METTL5: variants seen among roughly 807,000 people sequenced by gnomAD.
METTL5 encodes rRNA N(6)-adenosine-methyltransferase METTL5.
METTL5 carries 28 observed loss-of-function variants against 26.5 expected under a neutral mutation model. That is an observed-to-expected ratio of 1.06 (90% confidence interval 0.78 to 1.45). The LOEUF (loss-of-function observed/expected upper bound fraction) is 1.45. Ranked by LOEUF, METTL5 falls within the 40% of genes most tolerant of loss-of-function variation. The pLI, the probability that METTL5 is intolerant of heterozygous loss-of-function variation, is 0.00. For missense variants in METTL5, 231 were observed against 249.9 expected (o/e 0.92, Z 0.51); for synonymous variants, 86 against 82.6 (o/e 1.04, Z -0.22).
chr2:169,815,662 A>G (rs535806895), intron 4 of METTL5, 134 bp from the exon 5 acceptor site: 1 of 577,710 alleles, frequency 1.7e-6, no homozygotes, highest in South Asian at 2.7e-5. Flanking sequence ...AAAAATTTCA[A>G]TTGAATGGAT....
intron 2 of METTL5, 110 bp downstream of exon 2, chr2:169,821,833 G>T: frequency 4.7e-6 from 4 of 854,746 alleles, no homozygotes; most frequent in South Asian, 1.8e-5. Context: ...TCAGATTTTT[G>T]CTCCCTATAT....
intron 4 of METTL5, among the ~76,000 whole-genome samples, chr2:169,817,314 G>A (rs2081522425): frequency 6.6e-6 from 1 of 152,202 alleles, no homozygotes; most frequent in Admixed American, 6.5e-5. Context: ...GGAGAAATAG[G>A]AATGCTTTTA....
Position 169,812,438 on chromosome 2 carries a change from C to G in METTL5, c.591+19G>C. On this transcript the variant is annotated intron_variant, in intron 6 of 6. Coordinates refer to ENST00000260953, the MANE Select transcript of METTL5 (RefSeq NM_014168.4). Reference sequence around the variant, plus strand: ...CTTTTCAATACCGAATGTAGACCAGCCAAAATCAAGAGACTTACTGATTTC... The same window carrying G: ...CTTTTCAATACCGAATGTAGACCAGGCAAAATCAAGAGACTTACTGATTTC... The G allele has an allele frequency of 6.2e-7, 1 of 1,613,878 alleles. No individual in the cohort carries two copies. Among genetic ancestry groups the G allele is most frequent in the Non-Finnish European group, 8.5e-7 (1 of 1,179,888 alleles).
chr2:169,819,970 CT>C (rs11297953), intron 3 of METTL5, among the ~76,000 whole-genome samples: 133,238 of 146,608 alleles, frequency 0.91, 60,693 homozygotes, highest in East Asian at 0.98. Flanking sequence ...CTATGCATGT[CT>C]TTTTTTTTTT....
chr2:169,812,414 T>C (rs1243971228), intron 6 of METTL5, 43 bp downstream of exon 6: 1 of 1,613,612 alleles, frequency 6.2e-7, no homozygotes, highest in Non-Finnish European at 8.5e-7. Context: ...CCCAGAAAGC[T>C]TTTCAATACC....
chr2:169,815,889 AC>A (rs1365144640), intron 4 of METTL5, among the ~76,000 whole-genome samples: 2 of 152,186 alleles, frequency 1.3e-5, no homozygotes, highest in African/African-American at 4.8e-5. Flanking sequence ...ACAGCACAAC[AC>A]ATTACCTTCT....
chr2:169,824,289 G>A, intron 1 of METTL5, 200 bp downstream of exon 1: 1 of 536,584 alleles, frequency 1.9e-6, no homozygotes, highest in Non-Finnish European at 3.4e-6. Flanking sequence ...CAGAAAACTA[G>A]ACAGTAAAAT....
intron 4 of METTL5, 97 bp from the exon 5 acceptor site, chr2:169,815,625 A>G: frequency 1.2e-6 from 1 of 831,812 alleles, no homozygotes; most frequent in Non-Finnish European, 1.9e-6. Context: ...TTTAAGCTTA[A>G]AATTTCATTA....
chr2:169,818,950 A>G (rs2081546017), intron 4 of METTL5, among the ~76,000 whole-genome samples: 1 of 152,202 alleles, frequency 6.6e-6, no homozygotes, highest in East Asian at 1.9e-4. Flanking sequence ...AATTACCTTG[A>G]CCAAGAAAAC....
At chr2:169,814,374 C>T (rs1277655836) in intron 5 of METTL5, among the ~76,000 whole-genome samples, 1 of 140,390 alleles carries the variant, frequency 7.1e-6, no homozygotes, top group African/African-American at 2.6e-5. Context: ...GTAGTCCCAA[C>T]TATTTGGGAG....
intron 5 of METTL5, among the ~76,000 whole-genome samples, chr2:169,813,653 A>T (rs56121565): frequency 1.3e-5 from 2 of 150,922 alleles, no homozygotes; most frequent in Admixed American, 6.6e-5. Context: ...TGAAGAGTTC[A>T]AGACCAGCCT....
chr2:169,818,590 T>C (rs1384588699), intron 4 of METTL5, among the ~76,000 whole-genome samples: 1 of 152,218 alleles, frequency 6.6e-6, no homozygotes, highest in African/African-American at 2.4e-5. Flanking sequence ...ATTAGCAGTA[T>C]AGTTCTTTTT....
intron 3 of METTL5, among the ~76,000 whole-genome samples, chr2:169,820,683 C>T (rs2081571408): frequency 6.6e-6 from 1 of 152,110 alleles, no homozygotes; most frequent in Non-Finnish European, 1.5e-5. Context: ...GATAAAATCA[C>T]TTAGCCCAAA....
intron 5 of METTL5, among the ~76,000 whole-genome samples, chr2:169,814,721 C>A (rs1279207329): frequency 6.6e-6 from 1 of 151,728 alleles, no homozygotes; most frequent in Non-Finnish European, 1.5e-5. Context: ...ACTACAGGTG[C>A]CTGCCACCAC....
chr2:169,812,768 AAG>A (rs1690016063), intron 5 of METTL5: 2 of 318,136 alleles, frequency 6.3e-6, no homozygotes, highest in African/African-American at 4.3e-5. Flanking sequence ...GTGGACGAAA[AAG>A]TAAATCCTAT....
At chr2:169,824,400 T>C in intron 1 of METTL5, 89 bp downstream of exon 1, 1 of 1,064,274 alleles carries the variant, frequency 9.4e-7, no homozygotes, top group Non-Finnish European at 1.4e-6. Context: ...CTCTAGACAT[T>C]CTCTGTATCC....
In METTL5 at chr2:169,821,988, C is replaced by G. The variant is rs746886252; in HGVS notation, c.179G>C (p.Cys60Ser). 6.2e-7 allele frequency: 1 copy of G among 1,613,680 alleles called. No individual in the cohort carries two copies. Among genetic ancestry groups the G allele is most frequent in the South Asian group, 1.1e-5 (1 of 91,080 alleles). The change falls in exon 2 of 7, where the codon TGT becomes TCT. Residue 60 changes from cysteine to serine, a missense_variant. Transcript: ENST00000260953. ...IENKVVADLGCGCGVLSIGTA... is the reference protein window; with the variant it reads ...IENKVVADLGSGCGVLSIGTA... Reference sequence around the variant, plus strand: ...TCCGATGCTAAGTACTCCACAACCACATCCTAGATCTGCAACGACTTTATT... The same window carrying G: ...TCCGATGCTAAGTACTCCACAACCAGATCCTAGATCTGCAACGACTTTATT...
chr2:169,823,352 A>G (rs2081609792), intron 1 of METTL5, among the ~76,000 whole-genome samples: 1 of 152,222 alleles, frequency 6.6e-6, no homozygotes, highest in South Asian at 2.1e-4. Context: ...ATTATTTGAG[A>G]AAACTGGTCT....
intron 5 of METTL5, chr2:169,812,770 G>A (rs1449427556): frequency 3.2e-6 from 1 of 309,768 alleles, no homozygotes; most frequent in Non-Finnish European, 5.9e-6. Context: ...GGACGAAAAA[G>A]TAAATCCTAT....
Sources: gnomAD v4.1 joint callset for allele counts (sites outside exome capture counted in the v4.1 genomes callset) on GRCh38, gnomAD v4.1.1 for gene constraint, MANE v1.5 for transcripts, NCBI Gene and HGNC (gene_info 2026-07-23, HGNC 2026-07-21) for gene names.